Variants in CACNA1S observed in about 807,000 individuals in gnomAD.
CACNA1S encodes voltage-dependent L-type calcium channel subunit alpha-1S.
Under a neutral mutation model 207.4 loss-of-function variants are expected in CACNA1S, and 126 were observed. The observed-to-expected ratio is 0.61, with a 90% CI of 0.53 to 0.70. The LOEUF is 0.70. Ranked by LOEUF, CACNA1S falls within the 30% of genes least tolerant of loss-of-function variation. The pLI, the probability that CACNA1S is intolerant of heterozygous loss-of-function variation, is 0.00. For missense variants in CACNA1S, 2,349 were observed against 2,422.8 expected (o/e 0.97, Z 0.64); for synonymous variants, 960 against 932.7 (o/e 1.03, Z -0.53).
rs117018314 is a variant in CACNA1S, at chr1:201,105,871, G to T, written c.258+4293C>A. Among the ~76,000 whole-genome samples, 139 of 152,262 alleles carry T rather than the reference G, an allele frequency of 9.1e-4. 2 individuals carry two copies. In the East Asian group the frequency reaches 0.025, roughly 27 times the overall value. ...AGACAGCAGTCACACCCCCGGCCCT[G>T]CTCGCACACACGGCAACTGAGGGAA... On this transcript the variant is annotated intron_variant, in intron 2 of 43. Transcript: ENST00000362061.
chr1:201,045,797 G>T (rs1660451035), intron 38 of CACNA1S, among the ~76,000 whole-genome samples: 1 of 150,790 alleles, frequency 6.6e-6, no homozygotes, highest in African/African-American at 2.4e-5. Context: ...GTTATGTTGT[G>T]GTTACATAGA....
chr1:201,070,192 G>A (rs549550439), intron 17 of CACNA1S, 80 bp downstream of exon 17: 9 of 1,496,076 alleles, frequency 6.0e-6, no homozygotes, highest in East Asian at 4.5e-5. Flanking sequence ...GGCATGGAGA[G>A]TCAGACAGGG....
intron 16 of CACNA1S, 149 bp from the exon 17 acceptor site, chr1:201,070,553 C>T (rs1661410960): frequency 1.0e-6 from 1 of 969,682 alleles, no homozygotes; most frequent in Non-Finnish European, 1.6e-6. Context: ...TGGCAGAGTC[C>T]AGCCCGGGCA....
rs769632297 is a variant in CACNA1S, at chr1:201,089,420, G to C, written c.738C>G (p.Ala246=). 6.2e-7 allele frequency: 1 copy of C among 1,614,196 alleles called. No homozygotes were observed. Among genetic ancestry groups the C allele is most frequent in the Non-Finnish European group, 8.5e-7 (1 of 1,180,044 alleles). The change falls in exon 6 of 44, where the codon GCC becomes GCG. Residue 246 remains alanine (A), a synonymous_variant. Transcript: ENST00000362061. ...TGCACCGGCGCCCTGAGCCCGTCCT[G>C]GCGCAGGGCGATGGCTCTTCATTCT... ...TVENEEPSPC[A]RTGSGRRCTI...
At chr1:201,047,341 C>T in intron 37 of CACNA1S, 102 bp from the exon 38 acceptor site, 2 of 1,512,948 alleles carry the variant, frequency 1.3e-6, no homozygotes, top group Non-Finnish European at 1.8e-6. Flanking sequence ...TGCAAGCAAT[C>T]CTTTGTCTTG....
chr1:201,058,271 G>A, intron 28 of CACNA1S, 137 bp downstream of exon 28: 1 of 770,402 alleles, frequency 1.3e-6, no homozygotes, highest in South Asian at 1.4e-5. Context: ...GAGGGCAGAA[G>A]CCGTGACTTG....
Position 201,091,759 on chromosome 1 carries a change from G to C in CACNA1S, c.575C>G (p.Ala192Gly). ...LQVVLNSIFK[A>G]MLPLFHIALL... ...GGCGATGTGAAAGAGGGGGAGCATG[G>C]CCTTGAAGATGGAGTTCAGGACCAC... Residue 192 changes from alanine (A) to glycine (G), a missense_variant, in exon 5 of 44, where the codon GCC becomes GGC. Coordinates refer to ENST00000362061, the MANE Select transcript of CACNA1S (RefSeq NM_000069.3). The C allele has an allele frequency of 6.2e-7, 1 of 1,614,086 alleles. No homozygotes were observed. Among genetic ancestry groups the C allele is most frequent in the Non-Finnish European group, 8.5e-7 (1 of 1,179,918 alleles).
Position 201,077,244 on chromosome 1 carries a change from G to A in CACNA1S, c.1620-117C>T, listed in dbSNP as rs1335685495. Reference sequence around the variant, plus strand: ...TGATGTGACACAGAGGGAGGGGGCTGCCTCACTGCTGGAAGACCCTGGATT... The same window carrying A: ...TGATGTGACACAGAGGGAGGGGGCTACCTCACTGCTGGAAGACCCTGGATT... On this transcript the variant is annotated intron_variant, in intron 11 of 43. Coordinates refer to ENST00000362061, the MANE Select transcript of CACNA1S (RefSeq NM_000069.3). 4.7e-6 allele frequency: 4 copies of A among 858,288 alleles called. No individual in the cohort carries two copies. The African/African-American group carries it at 5.0e-5, about 11-fold the overall frequency. 53.2% of individuals were successfully genotyped at this position (858,288 alleles called of 1,614,324 possible).
intron 34 of CACNA1S, 41 bp downstream of exon 34, chr1:201,050,348 A>C: frequency 6.2e-7 from 1 of 1,611,330 alleles, no homozygotes; most frequent in South Asian, 1.1e-5. Context: ...GGAAGGGTCT[A>C]GGATGGAGGG....
intron 40 of CACNA1S, 66 bp downstream of exon 40, chr1:201,043,215 C>T (rs1271771143): frequency 3.7e-6 from 6 of 1,610,364 alleles, no homozygotes; most frequent in Non-Finnish European, 5.1e-6. Flanking sequence ...TCCAATCCAA[C>T]CTGGAACCTG....
At chr1:201,043,632 G>C in intron 39 of CACNA1S, 101 bp from the exon 40 acceptor site, 1 of 1,097,708 alleles carries the variant, frequency 9.1e-7, no homozygotes, top group Non-Finnish European at 1.4e-6. Flanking sequence ...AATAGTATTG[G>C]GAGACAAATC....
At chr1:201,072,945 A>G (rs1379289839) in intron 15 of CACNA1S, 121 bp from the exon 16 acceptor site, 3 of 813,312 alleles carry the variant, frequency 3.7e-6, no homozygotes, top group Non-Finnish European at 6.5e-6. Context: ...AGCCTAAGGA[A>G]CAGGGAATAT....
At chr1:201,108,101 T>G (rs1179074984) in intron 2 of CACNA1S, among the ~76,000 whole-genome samples, 1 of 140,106 alleles carries the variant, frequency 7.1e-6, no homozygotes, top group Non-Finnish European at 1.5e-5. Flanking sequence ...ACCATTAAGA[T>G]GTAATTTTTT....
At chr1:201,047,375 C>G in intron 37 of CACNA1S, 136 bp from the exon 38 acceptor site, 1 of 1,347,960 alleles carries the variant, frequency 7.4e-7, no homozygotes, top group South Asian at 1.2e-5. Flanking sequence ...TGGGCACTTT[C>G]CATCCTGAGG....
intron 41 of CACNA1S, among the ~76,000 whole-genome samples, chr1:201,041,251 C>A (rs955556455): frequency 6.6e-6 from 1 of 152,170 alleles, no homozygotes; most frequent in African/African-American, 2.4e-5. Flanking sequence ...GGGAGGCCTG[C>A]AGAGGGCCCT....
intron 24 of CACNA1S, 114 bp downstream of exon 24, chr1:201,061,830 T>C: frequency 8.1e-7 from 1 of 1,232,624 alleles, no homozygotes; most frequent in Non-Finnish European, 1.2e-6. Context: ...GGTGGGTTTG[T>C]TGGACGCCTG....
At chr1:201,048,183 CT>C (rs1035950033) in intron 36 of CACNA1S, among the ~76,000 whole-genome samples, 2 of 152,224 alleles carry the variant, frequency 1.3e-5, no homozygotes, top group African/African-American at 4.8e-5. Context: ...TCCCACCATG[CT>C]TGTCTTCCCA....
chr1:201,044,449 A>G lies in CACNA1S; in HGVS notation c.4676T>C (p.Leu1559Pro). The G allele has an allele frequency of 6.2e-7, 1 of 1,612,468 alleles. No homozygotes were observed. Among genetic ancestry groups the G allele is most frequent in the Non-Finnish European group, 8.5e-7 (1 of 1,179,720 alleles). ...KKDIVQIQAG[L>P]RTIEEEAAPE... Reference sequence around the variant, plus strand: ...GGCTGCCTCTTCCTCAATGGTCCGCAGCCCTGCCTGGGGATGACGAAGGGA... The same window carrying G: ...GGCTGCCTCTTCCTCAATGGTCCGCGGCCCTGCCTGGGGATGACGAAGGGA... Residue 1559 changes from leucine (L) to proline (P), a missense_variant, in exon 39 of 44, where the codon CTG becomes CCG. By Grantham distance (98) the Leu-to-Pro change is moderately conservative (BLOSUM62 -3). Transcript: ENST00000362061.
Position 201,087,861 on chromosome 1 carries a change from G to A in CACNA1S, c.969C>T (p.Phe323=). 3 of 1,613,906 alleles carry A rather than the reference G, an allele frequency of 1.9e-6. No homozygotes were observed. The highest frequency in any genetic ancestry group is 1.7e-6 in the Non-Finnish European group (2 of 1,179,856). ...CACCCAGCACCAGGTTGAGGATGAA[G>A]AAGGATCCCAGCAAAATGAGGGTGA... The part of the protein sequence containing the change: ...YFVTLILLGS[F]FILNLVLGVL... The change falls in exon 7 of 44, where the codon TTC becomes TTT. Residue 323 remains phenylalanine, a synonymous_variant. Coordinates refer to ENST00000362061, the MANE Select transcript of CACNA1S (RefSeq NM_000069.3).
Sources: allele counts gnomAD v4.1 joint callset (sites outside exome capture counted in the v4.1 genomes callset), GRCh38; gene constraint gnomAD v4.1.1; transcripts MANE v1.5; gene names NCBI Gene and HGNC (gene_info 2026-07-23, HGNC 2026-07-21).